Variants in TRPC1 observed in about 807,000 individuals in gnomAD.
TRPC1 encodes transient receptor potential cation channel subfamily C member 1, also known as short transient receptor potential channel 1.
Under a neutral mutation model 88.2 loss-of-function variants are expected in TRPC1, and 42 were observed. The observed-to-expected ratio is 0.48, with a 90% confidence interval of 0.37 to 0.62. The LOEUF is 0.62. Among genes scored for constraint, TRPC1 ranks in the 20% least tolerant of loss-of-function variants. The pLI is 0.00. For missense variants in TRPC1, 699 were observed against 957.3 expected (o/e 0.73, Z 3.56); for synonymous variants, 288 against 331.8 (o/e 0.87, Z 1.43).
Position 142,767,405 on chromosome 3 carries a change from G to T in TRPC1, c.633-10227G>T, listed in dbSNP as rs1181086448. On this transcript the variant is annotated intron_variant, in intron 4 of 12. Coordinates refer to ENST00000476941, the MANE Select transcript of TRPC1 (RefSeq NM_001251845.2). The surrounding 1 kb of genome is among the most constrained non-coding windows in gnomAD (Gnocchi z 5.1). ...TTGCAAATATTTTCTCCCAGTCTGT[G>T]GTTTGCCTTCTCATTCTTATGATCC... 6.6e-6 allele frequency among the ~76,000 whole-genome samples: 1 copy of T among 151,486 alleles called. No individual in the cohort carries two copies. Among genetic ancestry groups the T allele is most frequent in the African/African-American group, 2.4e-5 (1 of 41,336 alleles).
rs181530190 is a variant in TRPC1 at position 142,776,511 on chromosome 3, C to G, written c.633-1121C>G. Among the ~76,000 whole-genome samples the G allele has an allele frequency of 6.6e-6, 1 of 152,198 alleles. No homozygotes were observed. The highest frequency in any genetic ancestry group is 6.5e-5 in the Admixed American group (1 of 15,282). ...AGGGAGTGCTTTTTTACATTACAGA[C>G]TGTGCATAAGTAAATGATTTCACTC... On this transcript the variant is annotated intron_variant, in intron 4 of 12. Transcript: ENST00000476941. This position sits in a 1 kb window ranked among gnomAD's most constrained non-coding sequence, Gnocchi z 4.1.
rs929868284 is a variant in TRPC1, at chr3:142,792,920, C to T, written c.1534C>T (p.Arg512Cys). Residue 512 changes from arginine to cysteine, a missense_variant, in exon 9 of 13, where the codon CGT (arginine) becomes TGT (cysteine). Physicochemically the swap from Arg to Cys is radical, Grantham distance 180 (BLOSUM62 -3). Transcript: ENST00000476941. This position sits in a 1 kb window ranked among gnomAD's most constrained non-coding sequence, Gnocchi z 4.0. ...ATTTGCAAATGTTCTAAGTTATCTTCGTCTCTTTTTTATGTATACAACCAG... is the reference window on the plus strand; with the variant it reads ...ATTTGCAAATGTTCTAAGTTATCTTTGTCTCTTTTTTATGTATACAACCAG... ...FAFANVLSYL[R>C]LFFMYTTSSI... 5 of 1,609,938 alleles carry T rather than the reference C, an allele frequency of 3.1e-6. No homozygotes were observed. The highest frequency in any genetic ancestry group is 1.3e-5 in the African/African-American group (1 of 74,598).
intron 5 of TRPC1, among the ~76,000 whole-genome samples, chr3:142,778,090 G>T (rs541911302): frequency 6.6e-6 from 1 of 152,052 alleles, no homozygotes; most frequent in East Asian, 1.9e-4. Context: ...ATTCATAGTT[G>T]CTCTCTCTCT....
Position 142,776,568 on chromosome 3 carries a change from C to G in TRPC1, c.633-1064C>G, listed in dbSNP as rs186355928. On this transcript the variant is annotated intron_variant, in intron 4 of 12. Coordinates refer to ENST00000476941, the MANE Select transcript of TRPC1 (RefSeq NM_001251845.2). This position sits in a 1 kb window ranked among gnomAD's most constrained non-coding sequence, Gnocchi z 4.1. Reference sequence around the variant, plus strand: ...TTTGAAACATCTTTCAAACTCATAACCTGAATGAATGAAAAATGTATTATA... The same window carrying G: ...TTTGAAACATCTTTCAAACTCATAAGCTGAATGAATGAAAAATGTATTATA... Among the ~76,000 whole-genome samples the G allele has an allele frequency of 7.2e-5, 11 of 152,140 alleles. No homozygotes were observed. The highest frequency in any genetic ancestry group is 2.6e-4 in the African/African-American group (11 of 41,526).
Position 142,724,799 on chromosome 3 carries a change from T to A in TRPC1, c.172+68T>A. On this transcript the variant is annotated intron_variant, in intron 1 of 12. Transcript: ENST00000476941. The surrounding 1 kb of genome is among the most constrained non-coding windows in gnomAD (Gnocchi z 5.6). ...CAGACCTTTAGTCCTCTCCCCCGCC[T>A]CAACTTATATCGGGGCATTCCCTCT... 4.2e-6 allele frequency: 6 copies of A among 1,427,206 alleles called. No individual in the cohort carries two copies. The highest frequency in any genetic ancestry group is 5.6e-6 in the Non-Finnish European group (6 of 1,080,214). 88.4% of individuals were successfully genotyped at this position (1,427,206 alleles called of 1,614,324 possible).
intron 1 of TRPC1, among the ~76,000 whole-genome samples, chr3:142,727,779 T>A (rs1189317305): frequency 1.3e-5 from 2 of 152,198 alleles, no homozygotes; most frequent in African/African-American, 2.4e-5. Flanking sequence ...AAGAGCTGAC[T>A]ATAAATATGT....
Position 142,792,066 on chromosome 3 carries a change from T to C in TRPC1, c.1438-758T>C, listed in dbSNP as rs1482504915. ...CTCATTATTTTACATAATTTTACTT[T>C]ATTAAAAAATTCTGTTTAATTGATC... On this transcript the variant is annotated intron_variant, in intron 8 of 12. Transcript: ENST00000476941. This position sits in a 1 kb window ranked among gnomAD's most constrained non-coding sequence, Gnocchi z 4.0. 1.3e-5 allele frequency among the ~76,000 whole-genome samples: 2 copies of C among 152,064 alleles called. No homozygotes were observed. Among genetic ancestry groups the C allele is most frequent in the African/African-American group, 2.4e-5 (1 of 41,442 alleles).
intron 2 of TRPC1, 108 bp downstream of exon 2, chr3:142,736,641 C>T (rs1934149332): frequency 9.9e-7 from 1 of 1,011,752 alleles, no homozygotes; most frequent in African/African-American, 1.6e-5. Context: ...TTCTTCCTTT[C>T]TTTTTCTTTC....
chr3:142,751,014 CTGTA>C (rs1332533691), intron 4 of TRPC1, among the ~76,000 whole-genome samples: 1 of 151,972 alleles, frequency 6.6e-6, no homozygotes, highest in Admixed American at 6.6e-5. Context: ...TTTTGTACAG[CTGTA>C]TGTGTTTGTG....
rs1175457979 is a variant in TRPC1 at position 142,784,695 on chromosome 3, C to T, written c.961-9C>T. The T allele has an allele frequency of 6.2e-7, 1 of 1,602,346 alleles. No homozygotes were observed. The highest frequency in any genetic ancestry group is 8.5e-7 in the Non-Finnish European group (1 of 1,174,326). On this transcript the variant is annotated splice_polypyrimidine_tract_variant and intron_variant, in intron 6 of 12. Coordinates refer to ENST00000476941, the MANE Select transcript of TRPC1 (RefSeq NM_001251845.2). ...TTTTCTTTTTAATGTGTGTGTATGTCCTTTTCAGTTTGTCTCCCAGTCTAA... is the reference window on the plus strand; with the variant it reads ...TTTTCTTTTTAATGTGTGTGTATGTTCTTTTCAGTTTGTCTCCCAGTCTAA...
chr3:142,729,556 G>A (rs1265106134), intron 1 of TRPC1, among the ~76,000 whole-genome samples: 1 of 152,028 alleles, frequency 6.6e-6, no homozygotes, highest in African/African-American at 2.4e-5. Flanking sequence ...TCTTTTATCT[G>A]GGCAGTTAAA....
chr3:142,765,770 A>G (rs889073056), intron 4 of TRPC1, among the ~76,000 whole-genome samples: 24 of 152,268 alleles, frequency 1.6e-4, no homozygotes, highest in African/African-American at 5.5e-4. Context: ...AAGAAACTAT[A>G]AAGGGAATAA....
chr3:142,797,638 C>T (rs1483552640), intron 9 of TRPC1, among the ~76,000 whole-genome samples: 2 of 152,078 alleles, frequency 1.3e-5, no homozygotes, highest in Non-Finnish European at 1.5e-5. Context: ...AATCTTGCTC[C>T]ATCACTTACT....
intron 9 of TRPC1, among the ~76,000 whole-genome samples, chr3:142,798,367 T>C (rs929187156): frequency 6.6e-6 from 1 of 152,166 alleles, no homozygotes; most frequent in Non-Finnish European, 1.5e-5. Context: ...TAAAGACTGC[T>C]AGAGGAGACA....
Position 142,792,005 on chromosome 3 carries a change from G to A in TRPC1, c.1438-819G>A, listed in dbSNP as rs1184754980. On this transcript the variant is annotated intron_variant, in intron 8 of 12. Coordinates refer to ENST00000476941, the MANE Select transcript of TRPC1 (RefSeq NM_001251845.2). The surrounding 1 kb of genome is among the most constrained non-coding windows in gnomAD (Gnocchi z 4.0). ...GGAACTAAAATATATAATATTCTCTGTTTTTTATTAGTTCTTAGATTATTG... is the reference window on the plus strand; with the variant it reads ...GGAACTAAAATATATAATATTCTCTATTTTTTATTAGTTCTTAGATTATTG... Among the ~76,000 whole-genome samples the A allele has an allele frequency of 6.6e-6, 1 of 151,698 alleles. No individual in the cohort carries two copies. The highest frequency in any genetic ancestry group is 1.5e-5 in the Non-Finnish European group (1 of 67,836).
Position 142,806,139 on chromosome 3 carries a change from C to T in TRPC1, c.2286C>T (p.Asn762=), listed in dbSNP as rs200832557. 231 of 1,613,622 alleles carry T rather than the reference C, an allele frequency of 1.4e-4. No homozygotes were observed. Among genetic ancestry groups the T allele is most frequent in the Non-Finnish European group, 1.7e-4 (205 of 1,179,808 alleles). ...STDQATVENL[N]ELRQDLSKFR... ...ATCAGGCAACTGTGGAAAATCTAAA[C>T]GAACTGCGCCAAGATCTGTCAAAAT... is the stretch of plus-strand genomic sequence containing the variant. The change falls in exon 13 of 13, where the codon AAC becomes AAT. Residue 762 remains asparagine (N), a synonymous_variant. Coordinates refer to ENST00000476941, the MANE Select transcript of TRPC1 (RefSeq NM_001251845.2).
intron 1 of TRPC1, among the ~76,000 whole-genome samples, chr3:142,725,559 A>C (rs1473100043): frequency 6.6e-6 from 1 of 152,194 alleles, no homozygotes. Flanking sequence ...ATGTCACGCA[A>C]TCATCCTTTG....
chr3:142,728,236 C>A (rs1381790123), intron 1 of TRPC1, among the ~76,000 whole-genome samples: 1 of 151,872 alleles, frequency 6.6e-6, no homozygotes, highest in Admixed American at 6.5e-5. Flanking sequence ...AGCAGGTTTT[C>A]ACCTTTATCA....
chr3:142,799,482 C>T (rs950789195), intron 9 of TRPC1, among the ~76,000 whole-genome samples: 1 of 152,020 alleles, frequency 6.6e-6, no homozygotes, highest in Non-Finnish European at 1.5e-5. Flanking sequence ...ACTTTTACTT[C>T]TTCTTGTATT....
Sources: gnomAD v4.1 joint callset for allele counts (sites outside exome capture counted in the v4.1 genomes callset) on GRCh38, gnomAD v4.1.1 for gene constraint, Gnocchi (gnomAD v3.1) non-coding constraint, MANE v1.5 for transcripts, NCBI Gene and HGNC (gene_info 2026-07-23, HGNC 2026-07-21) for gene names.